Variants in GRID2 observed in about 807,000 individuals in gnomAD.
GRID2 encodes the protein glutamate ionotropic receptor delta type subunit 2.
A neutral mutation model predicts 114.8 loss-of-function variants in GRID2; 33 were observed. The ratio of observed to expected loss-of-function variants is 0.29; its 90% CI spans 0.22 to 0.38. The LOEUF is 0.38. Among genes scored for constraint, GRID2 ranks in the 10% least tolerant of loss-of-function variants. The pLI is 1.00. For missense variants in GRID2, 1,184 were observed against 1,257.7 expected (o/e 0.94, Z 0.89); for synonymous variants, 505 against 449.9 (o/e 1.12, Z -1.55).
At chr4:93,601,312 T>C (rs184233350) in intron 13 of GRID2, among the ~76,000 whole-genome samples, 1 of 152,226 alleles carries the variant, frequency 6.6e-6, no homozygotes, top group Non-Finnish European at 1.5e-5. Flanking sequence ...CTCAAGGAAG[T>C]TCCTGACTCA....
chr4:92,645,208 T>C (rs957623095), intron 2 of GRID2, among the ~76,000 whole-genome samples: 1 of 151,722 alleles, frequency 6.6e-6, no homozygotes, highest in Admixed American at 6.6e-5. Flanking sequence ...TTGTTAGAAG[T>C]TGATAGGCTT....
At chr4:93,633,721 A>G (rs1352072260) in intron 14 of GRID2, among the ~76,000 whole-genome samples, 1 of 152,264 alleles carries the variant, frequency 6.6e-6, no homozygotes, top group Non-Finnish European at 1.5e-5. Context: ...AAGAAGAAAA[A>G]GAAAACAAAC....
chr4:92,975,699 T>G (rs1389956714), intron 2 of GRID2, among the ~76,000 whole-genome samples: 1 of 152,098 alleles, frequency 6.6e-6, no homozygotes, highest in Admixed American at 6.6e-5. Flanking sequence ...TGTCATAAGT[T>G]TTACAACTTA....
At chr4:93,442,374 G>A (rs1424682854) in intron 10 of GRID2, among the ~76,000 whole-genome samples, 1 of 151,974 alleles carries the variant, frequency 6.6e-6, no homozygotes, top group East Asian at 1.9e-4. Context: ...CTGATGGTCT[G>A]TTTCTTCAAA....
intron 13 of GRID2, among the ~76,000 whole-genome samples, chr4:93,593,987 G>A (rs959850760): frequency 6.6e-6 from 1 of 151,642 alleles, no homozygotes; most frequent in Non-Finnish European, 1.5e-5. Flanking sequence ...CAACTTCTTT[G>A]CCTTTGGTTT....
chr4:92,952,782 C>G lies in GRID2; in HGVS notation c.245-132213C>G, dbSNP rs561805467. Among the ~76,000 whole-genome samples, 15 of 152,262 alleles carry G rather than the reference C, an allele frequency of 9.9e-5. No homozygotes were observed. In the East Asian group the frequency reaches 2.9e-3, roughly 29 times the overall value. ...TATTTTATTTCCTAATTCAGTAAAA[C>G]CTGTAATTGAATGTATTCGTTTCCT... On this transcript the variant is annotated intron_variant, in intron 2 of 15. Coordinates refer to ENST00000282020, the MANE Select transcript of GRID2 (RefSeq NM_001510.4).
intron 2 of GRID2, among the ~76,000 whole-genome samples, chr4:92,850,541 G>A (rs1347244538): frequency 1.3e-5 from 2 of 151,838 alleles, no homozygotes; most frequent in African/African-American, 4.8e-5. Flanking sequence ...GACATTCATT[G>A]TGAGTATTTT....
At chr4:93,009,319 G>T (rs2149228587) in intron 2 of GRID2, among the ~76,000 whole-genome samples, 1 of 152,174 alleles carries the variant, frequency 6.6e-6, no homozygotes, top group South Asian at 2.1e-4. Context: ...AACATAAGCT[G>T]GAGACAAAGG....
chr4:93,753,757 G>A (rs1395500272), intron 14 of GRID2, among the ~76,000 whole-genome samples: 2 of 152,158 alleles, frequency 1.3e-5, no homozygotes, highest in East Asian at 3.8e-4. Flanking sequence ...GGACATTTGG[G>A]TTGGTTCCAA....
chr4:93,314,774 G>GAT (rs1756406806), intron 8 of GRID2, among the ~76,000 whole-genome samples: 2 of 151,382 alleles, frequency 1.3e-5, no homozygotes, highest in Non-Finnish European at 2.9e-5. Flanking sequence ...ATCACACATA[G>GAT]ATATATATTG....
chr4:93,098,232 T>C (rs1455062458), intron 3 of GRID2, among the ~76,000 whole-genome samples: 1 of 151,934 alleles, frequency 6.6e-6, no homozygotes, highest in African/African-American at 2.4e-5. Context: ...ATTGTGTTAA[T>C]GATATTGACC....
At chr4:92,830,917 A>ACAGC (rs1742058267) in intron 2 of GRID2, among the ~76,000 whole-genome samples, 1 of 152,170 alleles carries the variant, frequency 6.6e-6, no homozygotes, top group Non-Finnish European at 1.5e-5. Context: ...CTTCTCTCAG[A>ACAGC]CAGCCATTCA....
At chr4:92,476,193 C>CTT (rs1201696307) in intron 1 of GRID2, among the ~76,000 whole-genome samples, 1 of 151,636 alleles carries the variant, frequency 6.6e-6, no homozygotes, top group Non-Finnish European at 1.5e-5. Context: ...GCCCGGCTAA[C>CTT]TTTTTGTACT....
intron 2 of GRID2, among the ~76,000 whole-genome samples, chr4:92,759,355 A>G (rs1578153033): frequency 1.3e-5 from 2 of 152,182 alleles, no homozygotes; most frequent in East Asian, 1.9e-4. Flanking sequence ...GTCCTATTTT[A>G]TATTGACTCA....
intron 1 of GRID2, among the ~76,000 whole-genome samples, chr4:92,539,687 T>A (rs867199872): frequency 6.6e-6 from 1 of 152,204 alleles, no homozygotes; most frequent in African/African-American, 2.4e-5. Flanking sequence ...ATATATGATA[T>A]ATGCATTAGA....
chr4:93,155,823 G>A (rs1188912848), intron 4 of GRID2, among the ~76,000 whole-genome samples: 1 of 151,728 alleles, frequency 6.6e-6, no homozygotes, highest in African/African-American at 2.4e-5. Context: ...GCTGGGAAGG[G>A]TAGCGAGGGC....
Position 93,395,674 on chromosome 4 carries a change from T to A in GRID2, c.1313T>A (p.Met438Lys). 1 of 1,574,440 alleles carries A rather than the reference T, an allele frequency of 6.4e-7. No homozygotes were observed. The highest frequency in any genetic ancestry group is 8.7e-7 in the Non-Finnish European group (1 of 1,144,394). Residue 438 changes from methionine to lysine, a missense_variant, in exon 9 of 16, where the codon ATG (methionine) becomes AAG (lysine). Transcript: ENST00000282020. The part of the protein sequence containing the change: ...SLTDKKLENN[M>K]RGVVLRVVTV... Reference sequence around the variant, plus strand: ...ACTGACAAGAAATTGGAGAATAACATGCGTGGAGTGGTTCTACGTGTAGTA... The same window carrying A: ...ACTGACAAGAAATTGGAGAATAACAAGCGTGGAGTGGTTCTACGTGTAGTA...
intron 9 of GRID2, among the ~76,000 whole-genome samples, chr4:93,410,780 G>C (rs947912599): frequency 9.9e-5 from 15 of 152,038 alleles, no homozygotes; most frequent in African/African-American, 3.6e-4. Flanking sequence ...ACAGGGTTTT[G>C]CCATGTTGGT....
chr4:93,803,960 T>A (rs1204663919), intron 1 of GRID2, among the ~76,000 whole-genome samples: 4 of 152,142 alleles, frequency 2.6e-5, no homozygotes, highest in African/African-American at 9.7e-5. Context: ...TGGCGCTTCC[T>A]GGCTGCACAG....
Sources: gnomAD v4.1 joint callset for allele counts (sites outside exome capture counted in the v4.1 genomes callset) on GRCh38, gnomAD v4.1.1 for gene constraint, MANE v1.5 for transcripts, NCBI Gene and HGNC (gene_info 2026-07-23, HGNC 2026-07-21) for gene names.